The following CSMD1 variants were observed in gnomAD, a reference collection of about 807,000 sequenced individuals.
The protein encoded by CSMD1 is CUB and sushi domain-containing protein 1.
In CSMD1, 213 loss-of-function variants were observed where a neutral mutation model predicts 417.5. The ratio of observed to expected loss-of-function variants is 0.51; its 90% CI spans 0.46 to 0.57. The LOEUF is 0.57. Ranked by LOEUF, CSMD1 falls within the 20% of genes least tolerant of loss-of-function variation. The probability of loss-of-function intolerance (pLI) is 0.00; values close to 1 mark genes in which losing one functional copy is unlikely to be tolerated. For synonymous variants in CSMD1, 2,862 were observed against 1,736.8 expected (o/e 1.65, Z -16.11); for missense variants, 6,923 against 4,529.7 (o/e 1.53, Z -15.17).
intron 26 of CSMD1, among the ~76,000 whole-genome samples, chr8:3,267,515 CA>C (rs922281204): frequency 3.9e-5 from 6 of 152,088 alleles, no homozygotes; most frequent in African/African-American, 1.4e-4. Context: ...CTCCGGAGTC[CA>C]GAGGAGAGAA....
At chr8:4,046,934 C>G (rs3843920) in intron 3 of CSMD1, among the ~76,000 whole-genome samples, 1 of 151,938 alleles carries the variant, frequency 6.6e-6, no homozygotes, top group Non-Finnish European at 1.5e-5. Context: ...CAAGAGGGAA[C>G]TTGAGTCCTA....
chr8:3,454,447 G>C (rs983801446), intron 12 of CSMD1, among the ~76,000 whole-genome samples: 1 of 152,170 alleles, frequency 6.6e-6, no homozygotes, highest in Non-Finnish European at 1.5e-5. Flanking sequence ...GCAGTGGCTG[G>C]TACCGGTTGT....
At chr8:3,825,397 T>A (rs1801997111) in intron 5 of CSMD1, among the ~76,000 whole-genome samples, 1 of 152,006 alleles carries the variant, frequency 6.6e-6, no homozygotes, top group African/African-American at 2.4e-5. Context: ...GGGGTGGTGG[T>A]AGGCACCTGT....
chr8:3,767,101 A>G (rs1412781144), intron 5 of CSMD1, among the ~76,000 whole-genome samples: 1 of 152,156 alleles, frequency 6.6e-6, no homozygotes, highest in African/African-American at 2.4e-5. Flanking sequence ...AACCTCACTC[A>G]AGTACAGTAG....
intron 8 of CSMD1, among the ~76,000 whole-genome samples, chr8:3,591,972 AAGAT>A (rs1035338419): frequency 5.3e-5 from 8 of 152,110 alleles, no homozygotes; most frequent in Non-Finnish European, 8.8e-5. Context: ...AATGGATGGA[AAGAT>A]AGATTGATAG....
At chr8:3,344,589 C>T (rs1411883489) in intron 22 of CSMD1, among the ~76,000 whole-genome samples, 1 of 152,208 alleles carries the variant, frequency 6.6e-6, no homozygotes, top group Non-Finnish European at 1.5e-5. Flanking sequence ...ACATTTATTA[C>T]ACGATATTGG....
intron 7 of CSMD1, among the ~76,000 whole-genome samples, chr8:3,691,278 G>C (rs896979506): frequency 6.6e-6 from 1 of 151,912 alleles, no homozygotes; most frequent in Non-Finnish European, 1.5e-5. Context: ...TGAAGCAGGA[G>C]ATCACTTGAC....
chr8:4,281,598 A>G (rs137933663), intron 3 of CSMD1, among the ~76,000 whole-genome samples: 1 of 152,206 alleles, frequency 6.6e-6, no homozygotes, highest in African/African-American at 2.4e-5. Flanking sequence ...TCTAAGAAGT[A>G]TGTATAGCCA....
rs367565283 is a variant in CSMD1 at position 4,329,913 on chromosome 8, A to T, written c.415+90040T>A. Among the ~76,000 whole-genome samples the T allele has an allele frequency of 9.9e-5, 15 of 152,066 alleles. No homozygotes were observed. In the East Asian group the frequency reaches 2.5e-3, roughly 26 times the overall value. On this transcript the variant is annotated intron_variant, in intron 3 of 69. Coordinates refer to ENST00000635120, the MANE Select transcript of CSMD1 (RefSeq NM_033225.6). ...TTTCTCTCTTGTTCCTGCTCTGGCC[A>T]TGTGAGGTGTCTGCTCCCCTTTTGC...
intron 19 of CSMD1, among the ~76,000 whole-genome samples, chr8:3,368,682 G>C (rs1006351564): frequency 1.3e-5 from 2 of 152,048 alleles, no homozygotes; most frequent in African/African-American, 4.8e-5. Flanking sequence ...ACAGAAAAAA[G>C]TTTCAGGCTA....
At chr8:3,421,603 A>G (rs952282684) in intron 12 of CSMD1, among the ~76,000 whole-genome samples, 2 of 152,178 alleles carry the variant, frequency 1.3e-5, no homozygotes, top group Non-Finnish European at 2.9e-5. Flanking sequence ...AAGATAAAAA[A>G]AATCCCCAGA....
intron 1 of CSMD1, among the ~76,000 whole-genome samples, chr8:4,807,142 G>A (rs1460927285): frequency 2.6e-5 from 4 of 152,066 alleles, no homozygotes; most frequent in African/African-American, 7.2e-5. Flanking sequence ...AAGACTACTC[G>A]AGTAATTTAG....
intron 51 of CSMD1, among the ~76,000 whole-genome samples, chr8:3,025,012 A>T (rs568207370): frequency 0.016 from 2,447 of 148,446 alleles, 90 homozygotes; most frequent in African/African-American, 0.06. Flanking sequence ...GTTATTCTGA[A>T]ACCGTGTATT....
chr8:3,999,010 CAT>C lies in CSMD1; in HGVS notation c.611-902_611-901del, dbSNP rs1349786859. On this transcript the variant is annotated intron_variant, in intron 4 of 69. Coordinates refer to ENST00000635120, the MANE Select transcript of CSMD1 (RefSeq NM_033225.6). ...TATATGATAGTTTATATATAAATAA[CAT>C]ATAAACTATATGATACTTTATATAC... 1.1e-4 allele frequency among the ~76,000 whole-genome samples: 17 copies of C among 147,884 alleles called. No individual in the cohort carries two copies. The East Asian group carries it at 1.5e-3, about 13-fold the overall frequency.
chr8:4,593,442 G>C (rs1800090433), intron 2 of CSMD1, among the ~76,000 whole-genome samples: 2 of 152,108 alleles, frequency 1.3e-5, no homozygotes, highest in Admixed American at 6.6e-5. Context: ...ATACCCTTAA[G>C]CACAGGAGAA....
intron 25 of CSMD1, among the ~76,000 whole-genome samples, chr8:3,295,486 G>C (rs960362919): frequency 1.2e-4 from 18 of 152,092 alleles, no homozygotes; most frequent in Non-Finnish European, 2.4e-4. Flanking sequence ...GTAGAACTTT[G>C]TTAATTTACT....
At chr8:3,179,624 C>T (rs1224492416) in intron 37 of CSMD1, among the ~76,000 whole-genome samples, 1 of 152,020 alleles carries the variant, frequency 6.6e-6, no homozygotes, top group Non-Finnish European at 1.5e-5. Flanking sequence ...CTTTCCAAGA[C>T]AAAGGAATAA....
Position 4,435,944 on chromosome 8 carries a change from T to G in CSMD1, c.303-15879A>C, listed in dbSNP as rs1154056. ...ATTAGAATTTTAACCAAAATCTACATTCTTAGCCTTTACATCCACACATCA... is the reference window on the plus strand; with the variant it reads ...ATTAGAATTTTAACCAAAATCTACAGTCTTAGCCTTTACATCCACACATCA... On this transcript the variant is annotated intron_variant, in intron 2 of 69. Coordinates refer to ENST00000635120, the MANE Select transcript of CSMD1 (RefSeq NM_033225.6). Among the ~76,000 whole-genome samples, 1,198 of 152,274 alleles carry G rather than the reference T, an allele frequency of 7.9e-3. 11 individuals carry two copies. The highest frequency in any genetic ancestry group is 0.026 in the African/African-American group (1,089 of 41,554).
intron 9 of CSMD1, among the ~76,000 whole-genome samples, chr8:3,579,487 G>C (rs778378213): frequency 1.3e-5 from 2 of 152,152 alleles, no homozygotes; most frequent in African/African-American, 2.4e-5. Flanking sequence ...AGTCGCATTA[G>C]AAGCTTTTTT....
Sources: allele counts gnomAD v4.1 joint callset (sites outside exome capture counted in the v4.1 genomes callset), GRCh38; gene constraint gnomAD v4.1.1; transcripts MANE v1.5; gene names NCBI Gene and HGNC (gene_info 2026-07-23, HGNC 2026-07-21).